Variants in RMST observed in about 807,000 individuals in gnomAD.
RMST encodes rhabdomyosarcoma 2 associated transcript.
intron 11 of RMST, among the ~76,000 whole-genome samples, chr12:97,535,058 C>A (rs1285541068): frequency 6.6e-6 from 1 of 151,462 alleles, no homozygotes; most frequent in African/African-American, 2.4e-5. Context: ...AAAAAGTAGT[C>A]ACATGAATTT....
At chr12:97,482,733 ATT>A (rs1875536627) in intron 5 of RMST, among the ~76,000 whole-genome samples, 1 of 74,346 alleles carries the variant, frequency 1.3e-5, no homozygotes, top group African/African-American at 5.4e-5. Context: ...TATTAAATAA[ATT>A]TATATTATTT....
chr12:97,469,178 G>T (rs983860874), intron 5 of RMST, among the ~76,000 whole-genome samples: 51 of 132,148 alleles, frequency 3.9e-4, no homozygotes, highest in Non-Finnish European at 6.4e-4. Flanking sequence ...GTGTGTGTGT[G>T]TGTATGTGTG....
At chr12:97,493,929 G>T (rs1877132862) in exon 8 of RMST, 1 of 152,186 alleles carries the variant, frequency 6.6e-6, no homozygotes, top group Admixed American at 6.5e-5. Flanking sequence ...TAAATCCCAT[G>T]GGAAGTCAGC....
intron 10 of RMST, among the ~76,000 whole-genome samples, chr12:97,516,398 T>G (rs1879936648): frequency 2.6e-5 from 4 of 152,012 alleles, no homozygotes. Flanking sequence ...ATTTCCTATC[T>G]GAATAGGTTT....
At chr12:97,517,334 T>C (rs7137170) in intron 10 of RMST, among the ~76,000 whole-genome samples, 6,131 of 151,940 alleles carry the variant, frequency 0.04, 412 homozygotes, top group African/African-American at 0.14. Flanking sequence ...TTTTCAAATA[T>C]TATATAAGTT....
intron 5 of RMST, among the ~76,000 whole-genome samples, chr12:97,482,961 G>A (rs1875605192): frequency 6.6e-6 from 1 of 151,760 alleles, no homozygotes. Flanking sequence ...TAAGTTTCTT[G>A]AGGGGAGCAA....
At chr12:97,538,810 A>G (rs1342866519) in intron 11 of RMST, among the ~76,000 whole-genome samples, 1 of 151,452 alleles carries the variant, frequency 6.6e-6, no homozygotes, top group Non-Finnish European at 1.5e-5. Context: ...TGGGTTCACT[A>G]AAACAGGTTT....
At chr12:97,537,744 G>T (rs1459252503) in intron 11 of RMST, among the ~76,000 whole-genome samples, 1 of 151,420 alleles carries the variant, frequency 6.6e-6, no homozygotes, top group Non-Finnish European at 1.5e-5. Flanking sequence ...TGAGAGCCTG[G>T]ATGTGTCAGG....
chr12:97,505,924 T>C (rs1034615725), intron 10 of RMST, among the ~76,000 whole-genome samples: 1 of 152,200 alleles, frequency 6.6e-6, no homozygotes, highest in Non-Finnish European at 1.5e-5. Flanking sequence ...ATCTTATACA[T>C]TGCCAAGAGG....
At chr12:97,541,146 A>G (rs1425095083) in intron 11 of RMST, 2 of 151,684 alleles carry the variant, frequency 1.3e-5, no homozygotes, top group African/African-American at 2.4e-5. Flanking sequence ...TCTAACAGTT[A>G]TACAACACTT....
intron 11 of RMST, among the ~76,000 whole-genome samples, chr12:97,552,790 C>T (rs1883394381): frequency 6.6e-6 from 1 of 152,204 alleles, no homozygotes; most frequent in African/African-American, 2.4e-5. Context: ...ACTTGTATTT[C>T]TCCTCTTGGT....
chr12:97,502,011 T>C (rs1386345802), intron 10 of RMST, among the ~76,000 whole-genome samples: 4 of 152,184 alleles, frequency 2.6e-5, no homozygotes, highest in Non-Finnish European at 5.9e-5. Flanking sequence ...GATTGGACTT[T>C]AACTTTAAGG....
chr12:97,558,436 T>C (rs1420248733), intron 11 of RMST, among the ~76,000 whole-genome samples: 1 of 152,180 alleles, frequency 6.6e-6, no homozygotes, highest in Admixed American at 6.5e-5. Flanking sequence ...GTGTTAATGA[T>C]TGTTCAGGGT....
At chr12:97,467,768 AT>A (rs1873370429) in intron 5 of RMST, among the ~76,000 whole-genome samples, 1 of 151,902 alleles carries the variant, frequency 6.6e-6, no homozygotes, top group Non-Finnish European at 1.5e-5. Flanking sequence ...AGAAAGTTGT[AT>A]TGAATTTGAT....
chr12:97,516,310 G>A (rs1281438685), intron 10 of RMST, among the ~76,000 whole-genome samples: 4 of 151,872 alleles, frequency 2.6e-5, no homozygotes, highest in East Asian at 1.9e-4. Flanking sequence ...TGAAAGTAAC[G>A]TAAATAAAAC....
intron 11 of RMST, among the ~76,000 whole-genome samples, chr12:97,555,866 T>C (rs890302447): frequency 2.0e-5 from 3 of 152,228 alleles, no homozygotes; most frequent in Admixed American, 1.3e-4. Context: ...ATAATAAGGT[T>C]CAATCAATTT....
chr12:97,479,609 GT>G (rs1483575093), intron 5 of RMST, among the ~76,000 whole-genome samples: 1 of 151,960 alleles, frequency 6.6e-6, no homozygotes, highest in East Asian at 1.9e-4. Flanking sequence ...CCCTCTGAAA[GT>G]TGCCCATTCC....
chr12:97,499,692 C>G (rs1161718112), intron 10 of RMST, among the ~76,000 whole-genome samples: 1 of 139,796 alleles, frequency 7.2e-6, no homozygotes, highest in African/African-American at 2.7e-5. Context: ...GTCTCACTCA[C>G]TCTGTTGCCC....
intron 10 of RMST, among the ~76,000 whole-genome samples, chr12:97,524,369 C>T (rs189991546): frequency 4.1e-4 from 63 of 152,190 alleles, no homozygotes; most frequent in African/African-American, 1.3e-3. Flanking sequence ...TTACCAATTG[C>T]TGTATAGACC....
Sources: allele counts gnomAD v4.1 joint callset (sites outside exome capture counted in the v4.1 genomes callset), GRCh38; gene constraint gnomAD v4.1.1; transcripts MANE v1.5; gene names NCBI Gene and HGNC (gene_info 2026-07-23, HGNC 2026-07-21).